Variants in FNDC3A observed in about 807,000 individuals in gnomAD.
FNDC3A encodes fibronectin type III domain containing 3A.
A neutral mutation model predicts 148.9 loss-of-function variants in FNDC3A; 32 were observed. The ratio of observed to expected loss-of-function variants is 0.21; its 90% CI spans 0.16 to 0.29. FNDC3A has a LOEUF of 0.29. Among genes scored for constraint, FNDC3A ranks in the 10% least tolerant of loss-of-function variants. The pLI is 1.00. For missense variants in FNDC3A, 1,191 were observed against 1,452.8 expected, an observed-to-expected ratio of 0.82 and a Z score of 2.93; for synonymous variants, 472 against 473.6, an observed-to-expected ratio of 1.00 and a Z score of 0.04.
intron 3 of FNDC3A, among the ~76,000 whole-genome samples, chr13:49,087,374 G>T (rs1274779871): frequency 6.6e-6 from 1 of 152,060 alleles, no homozygotes; most frequent in Admixed American, 6.6e-5. Flanking sequence ...GACATAAAAG[G>T]ATCTAAGCCT....
chr13:49,190,989 T>C (rs1885854273), intron 17 of FNDC3A, 26 bp from the exon 18 acceptor site: 1 of 1,558,342 alleles, frequency 6.4e-7, no homozygotes, highest in African/African-American at 1.4e-5. Context: ...GGCATTTTTG[T>C]TTTCTTTTTG....
chr13:49,013,502 G>T (rs1037527190), intron 2 of FNDC3A, among the ~76,000 whole-genome samples: 1 of 151,338 alleles, frequency 6.6e-6, no homozygotes, highest in Admixed American at 6.6e-5. Context: ...ACATGTACAT[G>T]CGTATACATA....
At chr13:49,073,724 A>T (rs1326307401) in intron 2 of FNDC3A, among the ~76,000 whole-genome samples, 1 of 146,628 alleles carries the variant, frequency 6.8e-6, no homozygotes, top group African/African-American at 2.5e-5. Flanking sequence ...TGTATATATA[A>T]TATATATGTA....
At chr13:49,180,382 T>G (rs1439147225) in intron 14 of FNDC3A, among the ~76,000 whole-genome samples, 1 of 152,202 alleles carries the variant, frequency 6.6e-6, no homozygotes, top group Non-Finnish European at 1.5e-5. Flanking sequence ...ATTTAGCACA[T>G]AATAATTGTT....
At chr13:49,020,992 C>T (rs960225984) in intron 2 of FNDC3A, among the ~76,000 whole-genome samples, 3 of 152,034 alleles carry the variant, frequency 2.0e-5, no homozygotes, top group African/African-American at 7.3e-5. Flanking sequence ...TAGAAATTAT[C>T]AGAATAGTCA....
intron 5 of FNDC3A, among the ~76,000 whole-genome samples, chr13:49,131,694 C>T (rs999753689): frequency 2.0e-5 from 3 of 152,194 alleles, no homozygotes; most frequent in African/African-American, 7.2e-5. Flanking sequence ...ATAACCATGT[C>T]ATTGTTAAAT....
At chr13:49,112,681 G>A (rs1880652743) in intron 3 of FNDC3A, among the ~76,000 whole-genome samples, 1 of 151,998 alleles carries the variant, frequency 6.6e-6, no homozygotes, top group Non-Finnish European at 1.5e-5. Flanking sequence ...AAAACTACCT[G>A]GTTTTGAATC....
At chr13:48,993,028 G>A (rs1307315594) in intron 1 of FNDC3A, among the ~76,000 whole-genome samples, 2 of 152,088 alleles carry the variant, frequency 1.3e-5, no homozygotes, top group African/African-American at 2.4e-5. Context: ...CTAGTATATT[G>A]ATTTGACCAT....
intron 19 of FNDC3A, among the ~76,000 whole-genome samples, chr13:49,193,436 T>G (rs1054086831): frequency 1.3e-5 from 2 of 152,128 alleles, no homozygotes; most frequent in Non-Finnish European, 2.9e-5. Flanking sequence ...GATTTTTTAC[T>G]TTTTTATAGA....
intron 2 of FNDC3A, among the ~76,000 whole-genome samples, chr13:49,057,589 T>A (rs1876345619): frequency 6.6e-6 from 1 of 152,208 alleles, no homozygotes; most frequent in Non-Finnish European, 1.5e-5. Flanking sequence ...GGATATCCAA[T>A]ATTCATGTTG....
intron 2 of FNDC3A, among the ~76,000 whole-genome samples, chr13:49,019,555 C>T (rs1267854482): frequency 6.6e-6 from 1 of 152,228 alleles, no homozygotes; most frequent in Non-Finnish European, 1.5e-5. Context: ...GCAGAAATCA[C>T]CCATCTTCTG....
intron 8 of FNDC3A, among the ~76,000 whole-genome samples, chr13:49,149,061 G>A (rs1241168100): frequency 1.3e-5 from 2 of 151,664 alleles, no homozygotes; most frequent in Non-Finnish European, 2.9e-5. Context: ...TTTATATCCT[G>A]CAACTTACTG....
At chr13:49,055,237 G>T (rs1277828865) in intron 2 of FNDC3A, among the ~76,000 whole-genome samples, 1 of 151,974 alleles carries the variant, frequency 6.6e-6, no homozygotes, top group Non-Finnish European at 1.5e-5. Context: ...CTGAGTAGCT[G>T]GGAATACAAG....
upstream of FNDC3A, chr13:48,975,902 C>T (rs1390560990): frequency 1.3e-5 from 2 of 151,674 alleles, no homozygotes; most frequent in African/African-American, 4.8e-5. Context: ...GCGCCGACTT[C>T]GGGCTCCTCC....
At chr13:49,033,357 G>A (rs926248949) in intron 2 of FNDC3A, among the ~76,000 whole-genome samples, 1 of 152,068 alleles carries the variant, frequency 6.6e-6, no homozygotes, top group Non-Finnish European at 1.5e-5. Flanking sequence ...TAGAAAACGA[G>A]GTTTGAGGTA....
chr13:49,104,815 T>G (rs1327732539), intron 3 of FNDC3A, among the ~76,000 whole-genome samples: 1 of 152,156 alleles, frequency 6.6e-6, no homozygotes, highest in Non-Finnish European at 1.5e-5. Flanking sequence ...CTTGAAGACT[T>G]AAAGACTTAT....
At chr13:49,060,083 T>G (rs1324036957) in intron 2 of FNDC3A, among the ~76,000 whole-genome samples, 1 of 152,214 alleles carries the variant, frequency 6.6e-6, no homozygotes, top group African/African-American at 2.4e-5. Flanking sequence ...GCAGCCACAA[T>G]GGAGAAGTTT....
chr13:49,179,336 T>C (rs1018571791), intron 14 of FNDC3A, among the ~76,000 whole-genome samples: 1 of 152,254 alleles, frequency 6.6e-6, no homozygotes, highest in Non-Finnish European at 1.5e-5. Flanking sequence ...GTCTTATTAC[T>C]GGTAGTCACT....
intron 8 of FNDC3A, among the ~76,000 whole-genome samples, chr13:49,158,928 G>A (rs1480921254): frequency 1.3e-5 from 2 of 152,172 alleles, no homozygotes; most frequent in Non-Finnish European, 2.9e-5. Flanking sequence ...TCAGATGTTT[G>A]TAGATATGTG....
Sources: gnomAD v4.1 joint callset for allele counts (sites outside exome capture counted in the v4.1 genomes callset) on GRCh38, gnomAD v4.1.1 for gene constraint, MANE v1.5 for transcripts, NCBI Gene and HGNC (gene_info 2026-07-23, HGNC 2026-07-21) for gene names.